DPP6: variants seen among roughly 807,000 people sequenced by gnomAD.
DPP6 encodes the protein dipeptidyl peptidase like 6, also known as A-type potassium channel modulatory protein DPP6.
Under a neutral mutation model 122.6 loss-of-function variants are expected in DPP6, and 69 were observed. The observed-to-expected ratio is 0.56, with a 90% confidence interval of 0.46 to 0.69. The LOEUF (loss-of-function observed/expected upper bound fraction) is 0.69. DPP6 is among the 30% of genes least tolerant of loss of function. The pLI is 0.00. For missense variants in DPP6, 928 were observed against 1,116.9 expected, an observed-to-expected ratio of 0.83 and a Z score of 2.41; for synonymous variants, 418 against 433.1, an observed-to-expected ratio of 0.97 and a Z score of 0.43.
At chr7:154,518,836 T>C (rs1826742851) in intron 3 of DPP6, among the ~76,000 whole-genome samples, 1 of 152,088 alleles carries the variant, frequency 6.6e-6, no homozygotes, top group Non-Finnish European at 1.5e-5. Flanking sequence ...ATTATTAATA[T>C]CCCCATTTTT....
At chr7:154,214,823 T>C (rs910492722) in intron 1 of DPP6, among the ~76,000 whole-genome samples, 1 of 151,852 alleles carries the variant, frequency 6.6e-6, no homozygotes, top group Non-Finnish European at 1.5e-5. Flanking sequence ...GAGGCTCAGG[T>C]GGGAGGATGG....
At chr7:154,817,651 G>A (rs1799503854) in intron 16 of DPP6, among the ~76,000 whole-genome samples, 1 of 152,196 alleles carries the variant, frequency 6.6e-6, no homozygotes, top group Non-Finnish European at 1.5e-5. Context: ...TGTCATAAAT[G>A]TCACAAGTAA....
intron 1 of DPP6, among the ~76,000 whole-genome samples, chr7:154,281,608 C>T (rs189055512): frequency 6.6e-6 from 1 of 152,268 alleles, no homozygotes; most frequent in African/African-American, 2.4e-5. Context: ...GATTTACCAC[C>T]ACTGACTATG....
chr7:153,893,917 G>A lies in DPP6; in HGVS notation c.51+6183G>A, dbSNP rs146154853. ...GCAAGCTCTGATTGGTGAGTTGACTGTGGTAGGTAAAGCTAGAGTCACTGC... is the reference window on the plus strand; with the variant it reads ...GCAAGCTCTGATTGGTGAGTTGACTATGGTAGGTAAAGCTAGAGTCACTGC... On this transcript the variant is annotated intron_variant, in intron 1 of 25. Coordinates refer to the DPP6 transcript ENST00000404039. 1.6e-4 allele frequency among the ~76,000 whole-genome samples: 24 copies of A among 152,316 alleles called. No homozygotes were observed. The East Asian group carries it at 4.0e-3, about 26-fold the overall frequency.
chr7:154,621,512 G>T (rs1448314254), intron 5 of DPP6, among the ~76,000 whole-genome samples: 2 of 151,956 alleles, frequency 1.3e-5, no homozygotes, highest in Non-Finnish European at 2.9e-5. Context: ...GGGATTACAG[G>T]CTCATGCCAC....
intron 1 of DPP6, among the ~76,000 whole-genome samples, chr7:154,283,458 A>G (rs1006129754): frequency 2.0e-5 from 3 of 151,852 alleles, no homozygotes; most frequent in African/African-American, 7.3e-5. Context: ...TGTCATCATC[A>G]TAGTCATTAT....
At chr7:154,366,551 T>A (rs978212822) in intron 1 of DPP6, among the ~76,000 whole-genome samples, 3 of 152,234 alleles carry the variant, frequency 2.0e-5, no homozygotes, top group African/African-American at 7.2e-5. Context: ...GCAGAGATTC[T>A]GACTTCACTG....
intron 1 of DPP6, among the ~76,000 whole-genome samples, chr7:154,143,499 T>G (rs1795943307): frequency 6.6e-6 from 1 of 151,484 alleles, no homozygotes. Flanking sequence ...ATCATGTAAA[T>G]TACAGGTAAA....
At chr7:154,835,425 G>A (rs1297063128) in intron 16 of DPP6, among the ~76,000 whole-genome samples, 1 of 152,200 alleles carries the variant, frequency 6.6e-6, no homozygotes, top group Non-Finnish European at 1.5e-5. Flanking sequence ...TGCCCGGTCT[G>A]TGGGACCTTG....
intron 16 of DPP6, among the ~76,000 whole-genome samples, chr7:154,826,601 A>G (rs1800163922): frequency 6.6e-6 from 1 of 152,226 alleles, no homozygotes; most frequent in South Asian, 2.1e-4. Flanking sequence ...TCAAACATGG[A>G]ACAACAACCT....
chr7:154,197,005 T>G (rs979159750), intron 1 of DPP6, among the ~76,000 whole-genome samples: 1 of 152,098 alleles, frequency 6.6e-6, no homozygotes, highest in African/African-American at 2.4e-5. Flanking sequence ...TTCTATGTTT[T>G]GGGGCTCTGA....
intron 1 of DPP6, among the ~76,000 whole-genome samples, chr7:154,276,075 G>C (rs536441379): frequency 6.6e-6 from 1 of 152,308 alleles, no homozygotes; most frequent in South Asian, 2.1e-4. Flanking sequence ...CAGCACTCCA[G>C]GCTACGCTGT....
At chr7:154,223,094 C>G (rs556152770) in intron 1 of DPP6, among the ~76,000 whole-genome samples, 1 of 149,170 alleles carries the variant, frequency 6.7e-6, no homozygotes, top group East Asian at 1.9e-4. Flanking sequence ...GTTTCCACTC[C>G]TGTCGGCATT....
chr7:154,226,480 A>G (rs1219252083), intron 1 of DPP6, among the ~76,000 whole-genome samples: 1 of 152,194 alleles, frequency 6.6e-6, no homozygotes, highest in African/African-American at 2.4e-5. Context: ...CTGTCAAGGG[A>G]TTACTCCAAG....
intron 1 of DPP6, among the ~76,000 whole-genome samples, chr7:154,137,932 A>T (rs1189800759): frequency 6.6e-6 from 1 of 152,180 alleles, no homozygotes; most frequent in Non-Finnish European, 1.5e-5. Context: ...AACTCATAAG[A>T]ATACACTGAT....
chr7:153,785,748 C>T, the DPP6 span, among the ~76,000 whole-genome samples: 1,255 of 152,178 alleles, frequency 8.2e-3, 8 homozygotes, highest in Middle Eastern at 0.014. Flanking sequence ...CTGGTCTCAA[C>T]CAATTGTAAT....
rs59605527 is a variant in DPP6, at chr7:153,918,566, GTCTCTCTCTCTC to G, written c.51+30874_51+30885del. 1.5e-3 allele frequency among the ~76,000 whole-genome samples: 153 copies of G among 104,452 alleles called. 1 individual carries two copies. Among genetic ancestry groups the G allele is most frequent in the Middle Eastern group, 6.0e-3 (1 of 168 alleles). 68.5% of individuals were successfully genotyped at this position (104,452 alleles called of 152,430 possible). On this transcript the variant is annotated intron_variant, in intron 1 of 25. Coordinates refer to the DPP6 transcript ENST00000404039. Reference sequence around the variant, plus strand: ...ACACACACACACACACACACACACAGTCTCTCTCTCTCTCTCTCTCTCTCTCTCTCTCTCTCT... The same window carrying G: ...ACACACACACACACACACACACACAGTCTCTCTCTCTCTCTCTCTCTCTCT...
rs143364654 is a variant in DPP6 at position 154,495,577 on chromosome 7, A to G, written c.457+20540A>G. Among the ~76,000 whole-genome samples, 200 of 152,220 alleles carry G rather than the reference A, an allele frequency of 1.3e-3. 1 individual carries two copies. The highest frequency in any genetic ancestry group is 4.7e-3 in the African/African-American group (194 of 41,550). ...GCTAATTTTTGTATTTTTAGTAGAC[A>G]CTGGATTTCCCCATGTTGGCCAGGC... On this transcript the variant is annotated intron_variant, in intron 3 of 25. Coordinates refer to ENST00000377770, the MANE Select transcript of DPP6 (RefSeq NM_130797.4).
the DPP6 span, among the ~76,000 whole-genome samples, chr7:153,840,982 GC>G: frequency 6.6e-6 from 1 of 152,182 alleles, no homozygotes; most frequent in Non-Finnish European, 1.5e-5. Context: ...TGTGAAATGA[GC>G]CCCAATGAAA....
Sources: allele counts gnomAD v4.1 joint callset (sites outside exome capture counted in the v4.1 genomes callset), GRCh38; gene constraint gnomAD v4.1.1; transcripts MANE v1.5; gene names NCBI Gene and HGNC (gene_info 2026-07-23, HGNC 2026-07-21).